The following FMN1 variants were observed in gnomAD, a reference collection of about 807,000 sequenced individuals.
FMN1 encodes the protein formin-1.
In FMN1, 110 loss-of-function variants were observed where a neutral mutation model predicts 132.4. The observed-to-expected ratio is 0.83, with a 90% CI of 0.71 to 0.97. FMN1 has a LOEUF of 0.97. FMN1 is among the 50% of genes least tolerant of loss of function. FMN1 has a pLI of 0.00. For missense variants in FMN1, 1,792 were observed against 1,705.3 expected (o/e 1.05, Z -0.90); for synonymous variants, 722 against 651.7 (o/e 1.11, Z -1.64).
In FMN1 at chr15:32,913,563, T is replaced by A. The variant is rs72719314; in HGVS notation, c.3227-3028A>T. On this transcript the variant is annotated intron_variant, in intron 10 of 20. Transcript: ENST00000616417. ...TGCCATGGCTTCCTCCCTTTCTTCA[T>A]CTCTCCATGGCACAGAGGTCAAAGC... Among the ~76,000 whole-genome samples, 1,041 of 152,212 alleles carry A rather than the reference T, an allele frequency of 6.8e-3. 6 individuals carry two copies. The highest frequency in any genetic ancestry group is 0.014 in the Middle Eastern group (4 of 294).
intron 3 of FMN1, among the ~76,000 whole-genome samples, chr15:33,157,530 T>C (rs1964721384): frequency 6.6e-6 from 1 of 152,236 alleles, no homozygotes; most frequent in African/African-American, 2.4e-5. Flanking sequence ...TCTCTCTCAC[T>C]ACATTGCTTC....
At chr15:32,822,810 T>G (rs1317327669) in intron 17 of FMN1, among the ~76,000 whole-genome samples, 1 of 152,210 alleles carries the variant, frequency 6.6e-6, no homozygotes, top group Admixed American at 6.5e-5. Flanking sequence ...TGTCTGTATC[T>G]TATAGTTCTC....
intron 3 of FMN1, among the ~76,000 whole-genome samples, chr15:33,178,281 C>T (rs1243882100): frequency 6.6e-6 from 1 of 152,188 alleles, no homozygotes; most frequent in Non-Finnish European, 1.5e-5. Context: ...TTTCTTTCTG[C>T]TTTGATCCAA....
At chr15:33,095,277 G>A (rs1418502255) in intron 4 of FMN1, among the ~76,000 whole-genome samples, 2 of 152,140 alleles carry the variant, frequency 1.3e-5, no homozygotes, top group Non-Finnish European at 2.9e-5. Context: ...GAACCCGGGA[G>A]GCAGAGGTTG....
chr15:33,132,251 T>A (rs1314244465), intron 4 of FMN1, among the ~76,000 whole-genome samples: 3 of 152,154 alleles, frequency 2.0e-5, no homozygotes, highest in Non-Finnish European at 4.4e-5. Context: ...CAGCTGAATA[T>A]TTTCAATAAA....
In FMN1 at chr15:33,088,874, C is replaced by T. The variant is rs974349027; in HGVS notation, c.1968G>A (p.Ala656=). Residue 656 remains alanine, a synonymous_variant, in exon 5 of 21, where the codon GCG becomes GCA. Transcript: ENST00000616417. ...DGGAWVLGYR[A]GPACPFLLHE... ...GAAGCAAAAATGGACAGGCTGGTCC[C>T]GCTCTGTAGCCCAGAACCCACGCGC... 5 of 1,535,868 alleles carry T rather than the reference C, an allele frequency of 3.3e-6. No individual in the cohort carries two copies. Among genetic ancestry groups the T allele is most frequent in the African/African-American group, 1.4e-5 (1 of 72,996 alleles).
chr15:33,072,931 A>C (rs1243918093), intron 5 of FMN1, among the ~76,000 whole-genome samples: 2 of 151,982 alleles, frequency 1.3e-5, no homozygotes, highest in South Asian at 4.2e-4. Flanking sequence ...TCAAAAAAAA[A>C]AAAAAACAAA....
intron 4 of FMN1, among the ~76,000 whole-genome samples, chr15:33,136,444 G>T (rs1456702928): frequency 6.6e-6 from 1 of 152,214 alleles, no homozygotes; most frequent in African/African-American, 2.4e-5. Flanking sequence ...TTTGGGAAGA[G>T]CTTCAAATAG....
At chr15:32,989,797 T>G (rs2033320912) in intron 7 of FMN1, among the ~76,000 whole-genome samples, 2 of 152,126 alleles carry the variant, frequency 1.3e-5, no homozygotes, top group African/African-American at 4.8e-5. Flanking sequence ...AGAGCCCAGA[T>G]TAACATAATT....
chr15:33,169,593 G>A (rs1457865007), intron 3 of FMN1, among the ~76,000 whole-genome samples: 1 of 151,994 alleles, frequency 6.6e-6, no homozygotes, highest in Non-Finnish European at 1.5e-5. Flanking sequence ...TCTAACATCA[G>A]GAAGATTTTA....
At chr15:33,103,499 G>A (rs886339079) in intron 4 of FMN1, among the ~76,000 whole-genome samples, 1 of 152,050 alleles carries the variant, frequency 6.6e-6, no homozygotes, top group African/African-American at 2.4e-5. Context: ...CCTGTAGAGG[G>A]CAAAAAGGTA....
At chr15:32,929,234 C>T (rs1180285197) in intron 9 of FMN1, among the ~76,000 whole-genome samples, 1 of 152,200 alleles carries the variant, frequency 6.6e-6, no homozygotes, top group African/African-American at 2.4e-5. Context: ...TCTCTGTCTA[C>T]TTTTAAGTAA....
intron 4 of FMN1, among the ~76,000 whole-genome samples, chr15:33,113,778 T>C (rs1016427837): frequency 2.0e-5 from 3 of 152,182 alleles, no homozygotes; most frequent in African/African-American, 7.2e-5. Context: ...GTCAGTTCTT[T>C]CATCTGTGAC....
chr15:32,968,602 C>T lies in FMN1; in HGVS notation c.2987+112G>A, dbSNP rs548773412. Reference sequence around the variant, plus strand: ...GTTTATCCAAGCATTCACTGTATCACACTTGATAATGGGTGCTACACTATG... The same window carrying T: ...GTTTATCCAAGCATTCACTGTATCATACTTGATAATGGGTGCTACACTATG... On this transcript the variant is annotated intron_variant, in intron 8 of 20. Transcript: ENST00000616417. The T allele has an allele frequency of 1.4e-4, 215 of 1,491,500 alleles. 1 individual carries two copies. In the South Asian group the frequency reaches 2.6e-3, roughly 18 times the overall value. 92.4% of individuals were successfully genotyped at this position (1,491,500 alleles called of 1,614,324 possible).
At chr15:32,992,134 C>G (rs2033472672) in intron 7 of FMN1, among the ~76,000 whole-genome samples, 1 of 152,096 alleles carries the variant, frequency 6.6e-6, no homozygotes, top group African/African-American at 2.4e-5. Context: ...TTTCTCCCCT[C>G]CTTGTTTTTG....
At chr15:33,120,206 C>T (rs879875814) in intron 4 of FMN1, among the ~76,000 whole-genome samples, 1 of 152,158 alleles carries the variant, frequency 6.6e-6, no homozygotes, top group African/African-American at 2.4e-5. Context: ...ATAATCTGTT[C>T]TTTTGCTCTA....
At chr15:32,853,098 G>A (rs2059046216) in intron 17 of FMN1, among the ~76,000 whole-genome samples, 1 of 152,168 alleles carries the variant, frequency 6.6e-6, no homozygotes, top group African/African-American at 2.4e-5. Context: ...CACTTCAAAG[G>A]ACTGTCATGG....
intron 9 of FMN1, among the ~76,000 whole-genome samples, chr15:32,957,325 T>TTA (rs1555504537): frequency 7.3e-6 from 1 of 137,312 alleles, no homozygotes; most frequent in African/African-American, 2.9e-5. Flanking sequence ...TTTTTTTTTT[T>TTA]ACAGGAACCA....
intron 16 of FMN1, chr15:32,860,636 C>A (rs1376369812): frequency 6.6e-6 from 1 of 152,186 alleles, no homozygotes; most frequent in Non-Finnish European, 1.5e-5. Context: ...CCTAGTCTCA[C>A]AGGGTGAGAC....
Sources: gnomAD v4.1 joint callset for allele counts (sites outside exome capture counted in the v4.1 genomes callset) on GRCh38, gnomAD v4.1.1 for gene constraint, MANE v1.5 for transcripts, NCBI Gene and HGNC (gene_info 2026-07-23, HGNC 2026-07-21) for gene names.